Variants in CHD9 observed in about 807,000 individuals in gnomAD.
CHD9 encodes the protein ATP-dependent chromatin remodeler CHD9.
A neutral mutation model predicts 316.1 loss-of-function variants in CHD9; 77 were observed. The observed-to-expected ratio is 0.24, with a 90% CI of 0.20 to 0.29. The LOEUF is 0.29. Among genes scored for constraint, CHD9 ranks in the 10% least tolerant of loss-of-function variants. The probability of loss-of-function intolerance (pLI) is 1.00; values close to 1 mark genes in which losing one functional copy is unlikely to be tolerated. For missense variants in CHD9, 2,763 were observed against 3,438.1 expected (o/e 0.80, Z 4.91); for synonymous variants, 1,129 against 1,158.3 (o/e 0.97, Z 0.51).
chr16:53,278,809 A>T (rs2053123917), intron 24 of CHD9, among the ~76,000 whole-genome samples: 1 of 152,188 alleles, frequency 6.6e-6, no homozygotes, highest in African/African-American at 2.4e-5. Context: ...CCACAATGAG[A>T]TACCATCTCA....
intron 30 of CHD9, 134 bp from the exon 31 acceptor site, chr16:53,303,586 T>A (rs912492867): frequency 1.8e-6 from 1 of 569,354 alleles, no homozygotes; most frequent in African/African-American, 1.9e-5. Context: ...TTCTGGAAAC[T>A]ATACAGTGAT....
intron 4 of CHD9, 69 bp from the exon 5 acceptor site, chr16:53,226,297 G>A (rs2047650751): frequency 9.3e-7 from 1 of 1,076,706 alleles, no homozygotes; most frequent in East Asian, 2.8e-5. Context: ...CCAACTCTAG[G>A]GGTAATTATT....
chr16:53,198,791 G>C (rs780745539), intron 2 of CHD9, among the ~76,000 whole-genome samples: 1 of 152,102 alleles, frequency 6.6e-6, no homozygotes, highest in Non-Finnish European at 1.5e-5. Flanking sequence ...ATTGAATCTT[G>C]TCACATAGAT....
At chr16:53,160,554 T>C (rs2041835911) in intron 2 of CHD9, among the ~76,000 whole-genome samples, 1 of 152,178 alleles carries the variant, frequency 6.6e-6, no homozygotes, top group Non-Finnish European at 1.5e-5. Context: ...TGTTCTTTTT[T>C]CACATGTCCA....
intron 1 of CHD9, among the ~76,000 whole-genome samples, chr16:53,093,135 G>A (rs2036093419): frequency 6.6e-6 from 1 of 152,180 alleles, no homozygotes; most frequent in African/African-American, 2.4e-5. Context: ...AAAATTCAGT[G>A]ACTCTCATCA....
At position 53,306,791 on chromosome 16, in the gene CHD9, T is replaced by C. The variant is rs544453321; in HGVS notation, c.6780+394T>C. 8.0e-5 allele frequency among the ~76,000 whole-genome samples: 11 copies of C among 138,168 alleles called. No homozygotes were observed. In the East Asian group the frequency reaches 1.7e-3, roughly 21 times the overall value. 90.6% of individuals were successfully genotyped at this position (138,168 alleles called of 152,430 possible). A position where few individuals can be genotyped will look rare whatever the true frequency, so the allele number is the denominator to read the frequency against. On this transcript the variant is annotated intron_variant, in intron 32 of 38. Transcript: ENST00000447540. The stretch of plus-strand genomic sequence containing the variant: ...AAAGATTGAATTAATACAGATTTTC[T>C]TCCTTTTTTTTTGAGTCTCACTCTG...
chr16:53,194,898 G>T (rs1250353248), intron 2 of CHD9, among the ~76,000 whole-genome samples: 1 of 152,102 alleles, frequency 6.6e-6, no homozygotes, highest in Non-Finnish European at 1.5e-5. Context: ...GAATGTCACA[G>T]TAATAAAATC....
At chr16:53,273,514 A>G (rs1021126549) in intron 22 of CHD9, 112 bp from the exon 23 acceptor site, 2 of 684,088 alleles carry the variant, frequency 2.9e-6, no homozygotes, top group East Asian at 2.7e-5. Context: ...TATTTTAAAG[A>G]TCTCTGAACA....
chr16:53,254,337 T>C (rs555410266), intron 17 of CHD9, 101 bp from the exon 18 acceptor site: 1 of 756,002 alleles, frequency 1.3e-6, no homozygotes, highest in Non-Finnish European at 2.0e-6. Flanking sequence ...TCAATAAAAA[T>C]GGTCTAAGAA....
chr16:53,169,043 C>G (rs556696670), intron 2 of CHD9: 1 of 152,278 alleles, frequency 6.6e-6, no homozygotes, highest in East Asian at 1.9e-4. Context: ...GAAACCCTGT[C>G]TCTACTAAAA....
chr16:53,262,181 G>A (rs2152991084), intron 19 of CHD9, among the ~76,000 whole-genome samples: 1 of 151,926 alleles, frequency 6.6e-6, no homozygotes, highest in East Asian at 1.9e-4. Flanking sequence ...TATTTTTCAG[G>A]CCCTTAACAC....
chr16:53,130,141 C>T (rs2039155648), intron 1 of CHD9, among the ~76,000 whole-genome samples: 2 of 152,214 alleles, frequency 1.3e-5, no homozygotes, highest in South Asian at 4.1e-4. Context: ...TAGGTGCGCG[C>T]TCTCCCCTAG....
chr16:53,157,221 G>A lies in CHD9; in HGVS notation c.1132G>A (p.Val378Ile). Residue 378 changes from valine to isoleucine, a missense_variant, in exon 2 of 39, where the codon GTA becomes ATA. Coordinates refer to ENST00000447540, the MANE Select transcript of CHD9 (RefSeq NM_001308319.2). ...TCAAATGGGCCATTTCAATGATCAT[G>A]TAGAAACTAATGGCTTTTCATCTTT... The part of the protein sequence containing the change: ...GTQMGHFNDH[V>I]ETNGFSSLEE... 1.9e-6 allele frequency: 3 copies of A among 1,602,318 alleles called. No individual in the cohort carries two copies. Among genetic ancestry groups the A allele is most frequent in the Non-Finnish European group, 2.6e-6 (3 of 1,173,614 alleles).
At chr16:53,199,944 A>G (rs1228435730) in intron 2 of CHD9, among the ~76,000 whole-genome samples, 1 of 152,188 alleles carries the variant, frequency 6.6e-6, no homozygotes. Context: ...CCATAGAAAG[A>G]AAGTAATATC....
intron 2 of CHD9, among the ~76,000 whole-genome samples, chr16:53,171,371 A>T (rs2042707986): frequency 6.6e-6 from 1 of 152,040 alleles, no homozygotes; most frequent in Non-Finnish European, 1.5e-5. Context: ...GTGATCCGAG[A>T]TCACGCCACT....
At chr16:53,255,242 A>G (rs1651540930) in intron 18 of CHD9, among the ~76,000 whole-genome samples, 1 of 152,156 alleles carries the variant, frequency 6.6e-6, no homozygotes, top group African/African-American at 2.4e-5. Context: ...CCAGGAGGTC[A>G]AGGCTGCAGT....
At chr16:53,099,422 T>C (rs1038445484) in intron 1 of CHD9, among the ~76,000 whole-genome samples, 1 of 151,914 alleles carries the variant, frequency 6.6e-6, no homozygotes, top group Non-Finnish European at 1.5e-5. Context: ...GTTAATTTGG[T>C]TTCTCACTTT....
At chr16:53,063,564 G>A (rs1000379739) in intron 1 of CHD9, among the ~76,000 whole-genome samples, 4 of 150,706 alleles carry the variant, frequency 2.7e-5, no homozygotes, top group East Asian at 1.9e-4. Flanking sequence ...ACAGAGTCTC[G>A]CTCTGTCGCC....
intron 2 of CHD9, among the ~76,000 whole-genome samples, chr16:53,164,995 G>A (rs538055775): frequency 6.6e-6 from 1 of 152,230 alleles, no homozygotes; most frequent in African/African-American, 2.4e-5. Flanking sequence ...TAAGATGATA[G>A]CAACAGATGC....
Sources: allele counts gnomAD v4.1 joint callset (sites outside exome capture counted in the v4.1 genomes callset), GRCh38; gene constraint gnomAD v4.1.1; transcripts MANE v1.5; gene names NCBI Gene and HGNC (gene_info 2026-07-23, HGNC 2026-07-21).